Variants in KCNN4 observed in about 807,000 individuals in gnomAD.
KCNN4 encodes the protein potassium calcium-activated channel subfamily N member 4.
Under a neutral mutation model 45.2 loss-of-function variants are expected in KCNN4, and 31 were observed. The ratio of observed to expected loss-of-function variants is 0.69; its 90% CI spans 0.52 to 0.92. KCNN4 has a LOEUF of 0.92. Ranked by LOEUF, KCNN4 falls within the 40% of genes least tolerant of loss-of-function variation. KCNN4 has a pLI of 0.00. For synonymous variants in KCNN4, 231 were observed against 254.6 expected (o/e 0.91, Z 0.88); for missense variants, 463 against 574.0 (o/e 0.81, Z 1.98).
Position 43,776,587 on chromosome 19 carries a change from A to C in KCNN4, c.209T>G (p.Phe70Cys). The change falls in exon 2 of 9, where the codon TTC (phenylalanine) becomes TGC (cysteine). Residue 70 changes from phenylalanine to cysteine, a missense_variant. This residue lies in a region of KCNN4 where 225 missense variants were observed against 240.9 expected (regional missense o/e 0.93). Coordinates refer to ENST00000648319, the MANE Select transcript of KCNN4 (RefSeq NM_002250.3). ...GGCCACGATGAGGCAGAGGAGTAAGAAGGTGGAAATGCTGATCGTGCATTT... is the reference window on the plus strand; with the variant it reads ...GGCCACGATGAGGCAGAGGAGTAAGCAGGTGGAAATGCTGATCGTGCATTT... ...LVKCTISIST[F>C]LLLCLIVAFH... is the part of the protein sequence containing the mutation. 6.2e-7 allele frequency: 1 copy of C among 1,614,028 alleles called. No homozygotes were observed. The highest frequency in any genetic ancestry group is 8.5e-7 in the Non-Finnish European group (1 of 1,179,954).
At chr19:43,770,345 C>T (rs1969610509) in intron 4 of KCNN4, among the ~76,000 whole-genome samples, 1 of 152,162 alleles carries the variant, frequency 6.6e-6, no homozygotes, top group Admixed American at 6.5e-5. Context: ...AGGTCTATGC[C>T]TCCCACCTGG....
In KCNN4 at chr19:43,780,941, GCTTGCAGGTCGTCAGC is replaced by G. The variant is rs1258262808; in HGVS notation, c.-96_-81del. 3 of 1,437,586 alleles carry G rather than the reference GCTTGCAGGTCGTCAGC, an allele frequency of 2.1e-6. No individual in the cohort carries two copies. Among genetic ancestry groups the G allele is most frequent in the Non-Finnish European group, 2.9e-6 (3 of 1,037,100 alleles). The allele number at this position is 1,437,586 out of a possible 1,614,324, so 89.1% of individuals were successfully genotyped here. On this transcript the variant is annotated 5_prime_UTR_variant, in exon 1 of 9. Coordinates refer to ENST00000648319, the MANE Select transcript of KCNN4 (RefSeq NM_002250.3). ...CAGCACGCACAGGGCAGCCACTGTG[GCTTGCAGGTCGTCAGC>G]CTGCTCTGCTGGCTCTGGGACTTTT...
rs542327912 is a variant in KCNN4, at chr19:43,778,392, G to A, written c.160-1756C>T. 1.4e-4 allele frequency among the ~76,000 whole-genome samples: 22 copies of A among 152,174 alleles called. 1 individual carries two copies. The East Asian group carries it at 3.1e-3, about 21-fold the overall frequency. On this transcript the variant is annotated intron_variant, in intron 1 of 8. Transcript: ENST00000648319. ...GTAGCTGGGACTACAGGCACACGCC[G>A]CCATGCCTGGCTAATTTTTTGTGTT... is the stretch of plus-strand genomic sequence containing the variant.
Position 43,769,386 on chromosome 19 carries a change from G to C in KCNN4, c.1049+56C>G, listed in dbSNP as rs1969575009. 7.3e-7 allele frequency: 1 copy of C among 1,373,340 alleles called. No homozygotes were observed. Among genetic ancestry groups the C allele is most frequent in the Non-Finnish European group, 1.0e-6 (1 of 965,704 alleles). The allele number at this position is 1,373,340 out of a possible 1,614,324, so 85.1% of individuals were successfully genotyped here. ...ACATGCACACACACAGCCGTGCAGA[G>C]AGGTGACTTGGACATGGGTGCACAT... On this transcript the variant is annotated intron_variant, in intron 6 of 8. Transcript: ENST00000648319. The surrounding 1 kb of genome is among the most constrained non-coding windows in gnomAD (Gnocchi z 4.4).
At chr19:43,773,497 T>G (rs1367371930) in intron 3 of KCNN4, among the ~76,000 whole-genome samples, 1 of 152,128 alleles carries the variant, frequency 6.6e-6, no homozygotes, top group South Asian at 2.1e-4. Flanking sequence ...CTTGCTAAAG[T>G]GGATTGCTGG....
At chr19:43,776,127 CAAAAAAA>C (rs59704354) in intron 2 of KCNN4, among the ~76,000 whole-genome samples, 720 of 41,038 alleles carry the variant, frequency 0.018, 22 homozygotes, top group African/African-American at 0.068. Context: ...GACCTTGTCT[CAAAAAAA>C]AAAAAAAAAA....
At chr19:43,767,351 A>G in intron 8 of KCNN4, 189 bp downstream of exon 8, 1 of 647,972 alleles carries the variant, frequency 1.5e-6, no homozygotes, top group Non-Finnish European at 2.6e-6. Context: ...TGAAGGGGAG[A>G]GGGTACACCA....
In KCNN4 at chr19:43,774,066, G is replaced by GGGGT; in HGVS notation, c.683+122_683+125dup. 1.0e-6 allele frequency: 1 copy of GGGGT among 1,002,260 alleles called. No individual in the cohort carries two copies. Among genetic ancestry groups the GGGGT allele is most frequent in the Non-Finnish European group, 1.5e-6 (1 of 688,872 alleles). 62.1% of individuals were successfully genotyped at this position (1,002,260 alleles called of 1,614,324 possible). A position where few individuals can be genotyped will look rare whatever the true frequency, so the allele number is the denominator to read the frequency against. On this transcript the variant is annotated intron_variant, in intron 3 of 8. Transcript: ENST00000648319. The surrounding 1 kb of genome is among the most constrained non-coding windows in gnomAD (Gnocchi z 5.6). ...CAAATTTCAGCCAGCAAGAGGAGAA[G>GGGGT]GGGTCAAAGTGTGAACTTTCTCCAC...
rs1969489913 is a variant in KCNN4 at position 43,766,811 on chromosome 19, G to A, written c.*282C>T. ...CAGTCGCCTGCACTTGTAACTGAGA[G>A]CTGGAGGTCGTCCATAGCAGCATAG... On this transcript the variant is annotated 3_prime_UTR_variant, in exon 9 of 9. Transcript: ENST00000648319. The A allele has an allele frequency of 6.6e-6, 1 of 152,648 alleles. No homozygotes were observed. Among genetic ancestry groups the A allele is most frequent in the Non-Finnish European group, 1.5e-5 (1 of 68,092 alleles). 9.5% of individuals were successfully genotyped at this position (152,648 alleles called of 1,614,324 possible). A position where few individuals can be genotyped will look rare whatever the true frequency, so the allele number is the denominator to read the frequency against.
chr19:43,777,332 TGTGTGTGG>T (rs1386577391), intron 1 of KCNN4, among the ~76,000 whole-genome samples: 26 of 151,698 alleles, frequency 1.7e-4, no homozygotes, highest in East Asian at 5.8e-4. Flanking sequence ...TGTGGGTGTG[TGTGTGTGG>T]TGTCTAGAAA....
At chr19:43,770,691 T>C (rs1448388606) in intron 4 of KCNN4, among the ~76,000 whole-genome samples, 1 of 152,226 alleles carries the variant, frequency 6.6e-6, no homozygotes, top group Non-Finnish European at 1.5e-5. Context: ...ACAGGGTTAC[T>C]AGGTGGATTT....
chr19:43,779,308 G>T (rs1425416561), intron 1 of KCNN4, among the ~76,000 whole-genome samples: 1 of 152,134 alleles, frequency 6.6e-6, no homozygotes, highest in Non-Finnish European at 1.5e-5. Flanking sequence ...CGTGGGAGCG[G>T]CGGGCAGGCC....
At position 43,776,828 on chromosome 19, in the gene KCNN4, T is replaced by G. The variant is rs35773079; in HGVS notation, c.160-192A>C. 150,763 of 578,458 alleles carry G rather than the reference T, an allele frequency of 0.26. 20,870 individuals carry two copies. The highest frequency in any genetic ancestry group is 0.38 in the Admixed American group (12,921 of 34,408). The allele number at this position is 578,458 out of a possible 1,614,324, so 35.8% of individuals were successfully genotyped here. On this transcript the variant is annotated intron_variant, in intron 1 of 8. Transcript: ENST00000648319. The stretch of plus-strand genomic sequence containing the variant: ...AAACCATCATCTGGGCCCAGTGCGG[T>G]GGCTCACACCTGTAATCCCAACACT...
At position 43,778,006 on chromosome 19, in the gene KCNN4, C is replaced by T. The variant is rs1161544040; in HGVS notation, c.160-1370G>A. ...AGCCCTCCCCCACCTTCTATGGCTC[C>T]CTGGTTCCCTGCCTCTTTCTTCAGT... On this transcript the variant is annotated intron_variant, in intron 1 of 8. Transcript: ENST00000648319. 3.3e-5 allele frequency among the ~76,000 whole-genome samples: 5 copies of T among 152,236 alleles called. No individual in the cohort carries two copies. The South Asian group carries it at 1.0e-3, about 32-fold the overall frequency.
rs1347165026 is a variant in KCNN4 at position 43,769,174 on chromosome 19, G to C, written c.1050-142C>G. ...TGTCGAAGAGCTGAAAGAGTGGGAG[G>C]GGATGCACCCTGCCTCCCCACGAGC... On this transcript the variant is annotated intron_variant, in intron 6 of 8. Coordinates refer to ENST00000648319, the MANE Select transcript of KCNN4 (RefSeq NM_002250.3). The surrounding 1 kb of genome is among the most constrained non-coding windows in gnomAD (Gnocchi z 4.4). 2 of 934,190 alleles carry C rather than the reference G, an allele frequency of 2.1e-6. No individual in the cohort carries two copies. The highest frequency in any genetic ancestry group is 5.1e-5 in the East Asian group (2 of 39,120). 57.9% of individuals were successfully genotyped at this position (934,190 alleles called of 1,614,324 possible). A position where few individuals can be genotyped will look rare whatever the true frequency, so the allele number is the denominator to read the frequency against.
At chr19:43,767,844 T>C (rs1342332782) in intron 7 of KCNN4, 137 bp from the exon 8 acceptor site, 3 of 1,103,838 alleles carry the variant, frequency 2.7e-6, no homozygotes, top group Non-Finnish European at 4.0e-6. Context: ...ACTGTTACCA[T>C]GTATTGACCA....
chr19:43,767,807 G>T, intron 7 of KCNN4, 100 bp from the exon 8 acceptor site: 1 of 1,394,978 alleles, frequency 7.2e-7, no homozygotes, highest in Non-Finnish European at 1.0e-6. Context: ...CATCCTTATG[G>T]TCCTCTGAGG....
At position 43,774,613 on chromosome 19, in the gene KCNN4, T is replaced by G. The variant is rs1969744621; in HGVS notation, c.262A>C (p.Met88Leu). Residue 88 changes from methionine (M) to leucine (L), a missense_variant, in exon 3 of 9, where the codon ATG becomes CTG. Coordinates refer to ENST00000648319, the MANE Select transcript of KCNN4 (RefSeq NM_002250.3). The surrounding 1 kb of genome is among the most constrained non-coding windows in gnomAD (Gnocchi z 5.6). ...CAGTCCCGCAGCCCGTTGTCGGTCA[T>G]GAACAGCTGCCGGTAGGGGGCCAAG... ...AFHAKEVQLF[M>L]TDNGLRDWRV... 6.7e-7 allele frequency: 1 copy of G among 1,499,826 alleles called. No individual in the cohort carries two copies. Among genetic ancestry groups the G allele is most frequent in the Non-Finnish European group, 8.8e-7 (1 of 1,134,046 alleles). The allele number at this position is 1,499,826 out of a possible 1,614,324, so 92.9% of individuals were successfully genotyped here.
At position 43,769,006 on chromosome 19, in the gene KCNN4, C is replaced by T. The variant is rs138407239; in HGVS notation, c.1076G>A (p.Arg359Gln). The T allele has an allele frequency of 9.3e-6, 15 of 1,613,948 alleles. No individual in the cohort carries two copies. The highest frequency in any genetic ancestry group is 4.0e-5 in the African/African-American group (3 of 74,922). The change falls in exon 7 of 9, where the codon CGG becomes CAG. Residue 359 changes from arginine to glutamine, a missense_variant. Coordinates refer to ENST00000648319, the MANE Select transcript of KCNN4 (RefSeq NM_002250.3). This position sits in a 1 kb window ranked among gnomAD's most constrained non-coding sequence, Gnocchi z 4.4. The stretch of plus-strand genomic sequence containing the variant: ...GGAGTTCACTTGTTCCCGGAGCTTC[C>T]GGTGTTTCAGCCGCACCTGGCGGAA... ...NAFRQVRLKHRKLREQVNSMV... is the reference protein window; with the variant it reads ...NAFRQVRLKHQKLREQVNSMV...
Sources: gnomAD v4.1 joint callset for allele counts (sites outside exome capture counted in the v4.1 genomes callset) on GRCh38, gnomAD v4.1.1 for gene constraint, gnomAD v4.1.1 regional missense constraint, Gnocchi (gnomAD v3.1) non-coding constraint, MANE v1.5 for transcripts, NCBI Gene and HGNC (gene_info 2026-07-23, HGNC 2026-07-21) for gene names.